DGKI: variants seen among roughly 807,000 people sequenced by gnomAD.
DGKI encodes diacylglycerol kinase iota.
A neutral mutation model predicts 147.5 loss-of-function variants in DGKI; 55 were observed. The observed-to-expected ratio is 0.37, with a 90% confidence interval of 0.30 to 0.47. The LOEUF (loss-of-function observed/expected upper bound fraction) is 0.47. DGKI is among the 20% of genes least tolerant of loss of function. The pLI is 1.00. For synonymous variants in DGKI, 469 were observed against 477.1 expected, an observed-to-expected ratio of 0.98 and a Z score of 0.22; for missense variants, 1,007 against 1,323.8, an observed-to-expected ratio of 0.76 and a Z score of 3.71.
intron 20 of DGKI, among the ~76,000 whole-genome samples, chr7:137,534,705 G>A: frequency 6.6e-6 from 1 of 151,892 alleles, no homozygotes; most frequent in East Asian, 1.9e-4. Context: ...TATACACAAA[G>A]TTTAGTCTTC....
chr7:137,819,645 G>T (rs1382475458), intron 1 of DGKI, among the ~76,000 whole-genome samples: 1 of 152,092 alleles, frequency 6.6e-6, no homozygotes, highest in Non-Finnish European at 1.5e-5. Context: ...ATATGGCCCA[G>T]CCTACTCATT....
At chr7:137,578,412 C>T (rs1214681073) in intron 15 of DGKI, 87 bp from the exon 16 acceptor site, 4 of 919,010 alleles carry the variant, frequency 4.4e-6, no homozygotes, top group Admixed American at 3.6e-5. Context: ...CCCCAGCTCC[C>T]TCCTATCCTA....
intron 28 of DGKI, among the ~76,000 whole-genome samples, chr7:137,416,703 G>A (rs536147689): frequency 2.6e-5 from 4 of 152,144 alleles, no homozygotes; most frequent in South Asian, 4.2e-4. Flanking sequence ...CCTACTCTTC[G>A]CTCCTTTTCT....
intron 21 of DGKI, among the ~76,000 whole-genome samples, chr7:137,505,622 A>G (rs1305658132): frequency 6.6e-6 from 1 of 151,662 alleles, no homozygotes; most frequent in Non-Finnish European, 1.5e-5. Flanking sequence ...AAATTTGTGC[A>G]CTTTGACAGT....
chr7:137,830,782 C>G (rs775075809), intron 1 of DGKI, among the ~76,000 whole-genome samples: 1 of 151,994 alleles, frequency 6.6e-6, no homozygotes, highest in East Asian at 1.9e-4. Flanking sequence ...ATATTAAGTA[C>G]GTAAAAAAAT....
chr7:137,722,903 A>T, intron 1 of DGKI: 2 of 724,396 alleles, frequency 2.8e-6, no homozygotes, highest in Non-Finnish European at 4.6e-6. Context: ...AAAAAAAAAA[A>T]GTATAGCATA....
intron 15 of DGKI, among the ~76,000 whole-genome samples, chr7:137,581,148 AT>A (rs1438386645): frequency 2.6e-5 from 4 of 152,126 alleles, no homozygotes; most frequent in Non-Finnish European, 5.9e-5. Context: ...GAAAATGTTG[AT>A]GAAATATTTA....
At chr7:137,415,247 C>T (rs1483631849) in intron 28 of DGKI, among the ~76,000 whole-genome samples, 4 of 152,096 alleles carry the variant, frequency 2.6e-5, no homozygotes, top group African/African-American at 9.7e-5. Flanking sequence ...CAACCAACCT[C>T]ACATCGAAAA....
intron 28 of DGKI, among the ~76,000 whole-genome samples, chr7:137,441,148 C>T (rs963664448): frequency 5.9e-5 from 9 of 151,968 alleles, no homozygotes; most frequent in Non-Finnish European, 1.0e-4. Context: ...GGGCCGGGCA[C>T]GGTGGCTCAT....
intron 21 of DGKI, among the ~76,000 whole-genome samples, chr7:137,500,810 T>C (rs1816145097): frequency 6.6e-6 from 1 of 152,186 alleles, no homozygotes; most frequent in Non-Finnish European, 1.5e-5. Context: ...CAATGTATAA[T>C]GATCAAACCA....
chr7:137,793,196 GT>G, intron 1 of DGKI, among the ~76,000 whole-genome samples: 1 of 151,896 alleles, frequency 6.6e-6, no homozygotes, highest in Admixed American at 6.6e-5. Context: ...CATTACCTTG[GT>G]CTCTGTCCAT....
At chr7:137,407,570 C>G (rs1045133354) in intron 30 of DGKI, among the ~76,000 whole-genome samples, 32 of 151,938 alleles carry the variant, frequency 2.1e-4, no homozygotes, top group Admixed American at 2.1e-3. Flanking sequence ...AAATAAAGCA[C>G]ACGATGCCAG....
At chr7:137,687,929 A>G (rs1823476475) in intron 2 of DGKI, among the ~76,000 whole-genome samples, 1 of 152,208 alleles carries the variant, frequency 6.6e-6, no homozygotes, top group Admixed American at 6.5e-5. Context: ...GCACAAACCC[A>G]GCCTTCATTC....
chr7:137,459,721 G>A (rs1224867093), intron 27 of DGKI, among the ~76,000 whole-genome samples: 2 of 151,870 alleles, frequency 1.3e-5, no homozygotes, highest in Non-Finnish European at 2.9e-5. Flanking sequence ...TGATCCACCC[G>A]CCTCAGCCTC....
intron 20 of DGKI, among the ~76,000 whole-genome samples, chr7:137,538,950 G>C (rs1383384763): frequency 6.6e-6 from 1 of 152,180 alleles, no homozygotes; most frequent in Non-Finnish European, 1.5e-5. Context: ...GGGGACACCA[G>C]GAGCAGAGAG....
intron 13 of DGKI, 94 bp from the exon 14 acceptor site, chr7:137,585,440 G>T (rs1819358108): frequency 2.1e-6 from 3 of 1,447,882 alleles, no homozygotes; most frequent in Non-Finnish European, 2.8e-6. Context: ...CCGTTATATT[G>T]TTTATTTTAT....
At chr7:137,679,899 G>A (rs1823172177) in intron 2 of DGKI, among the ~76,000 whole-genome samples, 1 of 149,560 alleles carries the variant, frequency 6.7e-6, no homozygotes, top group Non-Finnish European at 1.5e-5. Context: ...GCTGAGGCAG[G>A]AGAATCACTT....
chr7:137,513,793 A>T, intron 21 of DGKI: 1 of 575,084 alleles, frequency 1.7e-6, no homozygotes, highest in Non-Finnish European at 3.2e-6. Context: ...GAAAAGGTGC[A>T]GTAAAACTAT....
intron 28 of DGKI, among the ~76,000 whole-genome samples, chr7:137,442,135 A>C (rs1813533596): frequency 6.6e-6 from 1 of 152,200 alleles, no homozygotes; most frequent in African/African-American, 2.4e-5. Context: ...TCACAGAAAC[A>C]AACTAAGAGG....
Sources: allele counts gnomAD v4.1 joint callset (sites outside exome capture counted in the v4.1 genomes callset), GRCh38; gene constraint gnomAD v4.1.1; transcripts MANE v1.5; gene names NCBI Gene and HGNC (gene_info 2026-07-23, HGNC 2026-07-21).